The following KLHL5 variants were observed in gnomAD, a reference collection of about 807,000 sequenced individuals.
The protein encoded by KLHL5 is kelch like family member 5.
A neutral mutation model predicts 77.7 loss-of-function variants in KLHL5; 48 were observed. That is an observed-to-expected ratio of 0.62 (90% CI 0.49 to 0.79). The LOEUF (loss-of-function observed/expected upper bound fraction) is 0.79. KLHL5 is among the 30% of genes least tolerant of loss of function. The pLI is 0.00. For synonymous variants in KLHL5, 260 were observed against 297.0 expected, an observed-to-expected ratio of 0.88 and a Z score of 1.28; for missense variants, 723 against 859.7, an observed-to-expected ratio of 0.84 and a Z score of 1.99.
chr4:39,068,657 G>A (rs541994953), intron 1 of KLHL5, among the ~76,000 whole-genome samples: 4 of 152,178 alleles, frequency 2.6e-5, no homozygotes, highest in Admixed American at 2.0e-4. Flanking sequence ...AAAAGGATAG[G>A]TCCTACAGTT....
intron 5 of KLHL5, among the ~76,000 whole-genome samples, chr4:39,091,942 C>T (rs1214956977): frequency 6.6e-6 from 1 of 150,384 alleles, no homozygotes; most frequent in Admixed American, 6.6e-5. Flanking sequence ...GCCTAAGCCT[C>T]CCAATATGCT....
In KLHL5 at chr4:39,126,140, GAC is replaced by G; in HGVS notation, c.*5076_*5077del. On this transcript the variant is annotated 3_prime_UTR_variant, in exon 11 of 11. Transcript: ENST00000504108. ...CAAATGTTTTCTGAAAGTTGAAATA[GAC>G]ATCTTTTCATGAACTCTGTAATATT... Among the ~76,000 whole-genome samples, 1 of 152,180 alleles carries G rather than the reference GAC, an allele frequency of 6.6e-6. No individual in the cohort carries two copies. Among genetic ancestry groups the G allele is most frequent in the South Asian group, 2.1e-4 (1 of 4,832 alleles).
intron 7 of KLHL5, 82 bp downstream of exon 7, chr4:39,103,593 G>A (rs552140952): frequency 4.6e-5 from 51 of 1,107,792 alleles, no homozygotes; most frequent in Middle Eastern, 4.3e-4. Flanking sequence ...CAGAGGACCC[G>A]TGTGGCAGCC....
rs1723352107 is a variant in KLHL5, at chr4:39,123,634, GA to G, written c.*2573del. Among the ~76,000 whole-genome samples, 1 of 152,012 alleles carries G rather than the reference GA, an allele frequency of 6.6e-6. No homozygotes were observed. Among genetic ancestry groups the G allele is most frequent in the Admixed American group, 6.6e-5 (1 of 15,260 alleles). ...ACAGCATGATCACCTCAATTGATAA[GA>G]AAAAGCATTTGACAAAAATCCAACA... On this transcript the variant is annotated 3_prime_UTR_variant, in exon 11 of 11. Coordinates refer to ENST00000504108, the MANE Select transcript of KLHL5 (RefSeq NM_015990.5).
At chr4:39,139,192 G>C in the KLHL5 span, among the ~76,000 whole-genome samples, 1 of 150,226 alleles carries the variant, frequency 6.7e-6, no homozygotes, top group African/African-American at 2.5e-5. Context: ...TGAGGCAGGA[G>C]AATTGCTTGA....
upstream of KLHL5, among the ~76,000 whole-genome samples, chr4:39,058,886 G>A (rs76491794): frequency 4.0e-3 from 608 of 152,046 alleles, 4 homozygotes; most frequent in African/African-American, 0.014. Context: ...AGCTTACTTT[G>A]TAGTGAGGAT....
Position 39,106,546 on chromosome 4 carries a change from T to C in KLHL5, c.1526-1023T>C, listed in dbSNP as rs911414230. Among the ~76,000 whole-genome samples, 6 of 152,210 alleles carry C rather than the reference T, an allele frequency of 3.9e-5. No homozygotes were observed. The East Asian group carries it at 5.8e-4, about 15-fold the overall frequency. On this transcript the variant is annotated intron_variant, in intron 7 of 10. Transcript: ENST00000504108. Reference sequence around the variant, plus strand: ...AACAAATGAGTCTAGCTCAGCTCCGTGCTGATGAATCATACCAATAGATTA... The same window carrying C: ...AACAAATGAGTCTAGCTCAGCTCCGCGCTGATGAATCATACCAATAGATTA...
intron 4 of KLHL5, among the ~76,000 whole-genome samples, chr4:39,084,740 A>G (rs1167562111): frequency 6.6e-6 from 1 of 152,244 alleles, no homozygotes; most frequent in Non-Finnish European, 1.5e-5. Flanking sequence ...ATTTGAAAGT[A>G]TGGCATAGTT....
chr4:39,062,057 T>C (rs1370300408), upstream of KLHL5, among the ~76,000 whole-genome samples: 2 of 152,246 alleles, frequency 1.3e-5, no homozygotes, highest in Non-Finnish European at 2.9e-5. Flanking sequence ...CATCTAATTT[T>C]ACAAATGCTT....
chr4:39,084,251 C>T (rs1021019051), intron 4 of KLHL5, among the ~76,000 whole-genome samples: 4 of 152,050 alleles, frequency 2.6e-5, no homozygotes, highest in Non-Finnish European at 5.9e-5. Context: ...TGATCCTGCA[C>T]GAATACAAGT....
Position 39,124,961 on chromosome 4 carries a change from G to A in KLHL5, c.*3895G>A, listed in dbSNP as rs908639646. On this transcript the variant is annotated 3_prime_UTR_variant, in exon 11 of 11. Coordinates refer to ENST00000504108, the MANE Select transcript of KLHL5 (RefSeq NM_015990.5). The stretch of plus-strand genomic sequence containing the variant: ...ATACCTAGAATATATAAGGAACTCC[G>A]ATGCTCGACAACAAAAAGACAAACC... 1.3e-5 allele frequency among the ~76,000 whole-genome samples: 2 copies of A among 151,926 alleles called. No homozygotes were observed. The highest frequency in any genetic ancestry group is 2.4e-5 in the African/African-American group (1 of 41,376).
At chr4:39,096,576 C>T in intron 5 of KLHL5, 116 bp from the exon 6 acceptor site, 1 of 654,044 alleles carries the variant, frequency 1.5e-6, no homozygotes, top group South Asian at 2.3e-5. Context: ...AAATATGTGC[C>T]TATGCTTGAA....
upstream of KLHL5, among the ~76,000 whole-genome samples, chr4:39,058,038 A>G (rs751036169): frequency 3.3e-5 from 5 of 152,218 alleles, no homozygotes; most frequent in Admixed American, 6.5e-5. Context: ...TTGAAACAGA[A>G]GTTGCACATG....
At chr4:39,070,647 C>T (rs1214042089) in intron 1 of KLHL5, among the ~76,000 whole-genome samples, 1 of 152,120 alleles carries the variant, frequency 6.6e-6, no homozygotes, top group East Asian at 1.9e-4. Context: ...TTGCCCTTCC[C>T]CTTCATACTG....
intron 1 of KLHL5, among the ~76,000 whole-genome samples, chr4:39,073,821 T>TA (rs1424842532): frequency 4.5e-5 from 5 of 110,874 alleles, no homozygotes; most frequent in African/African-American, 1.5e-4. Flanking sequence ...ATTTTTTTTT[T>TA]ATTTTTATTT....
At chr4:39,063,080 C>T (rs750855443) in intron 1 of KLHL5, 45 bp downstream of exon 1, 1 of 1,406,100 alleles carries the variant, frequency 7.1e-7, no homozygotes, top group Non-Finnish European at 9.6e-7. Context: ...GGGGGTATGG[C>T]TCTATAATGT....
At chr4:39,104,127 G>T (rs1390258075) in intron 7 of KLHL5, among the ~76,000 whole-genome samples, 1 of 152,064 alleles carries the variant, frequency 6.6e-6, no homozygotes, top group Non-Finnish European at 1.5e-5. Flanking sequence ...TAGGGATGAA[G>T]ATTGAAATGG....
chr4:39,060,431 A>G (rs1717315283), upstream of KLHL5, among the ~76,000 whole-genome samples: 1 of 105,398 alleles, frequency 9.5e-6, no homozygotes. Flanking sequence ...CATTCCAACA[A>G]CTAAAAATCT....
intron 2 of KLHL5, among the ~76,000 whole-genome samples, chr4:39,076,881 A>G (rs1577673809): frequency 6.6e-6 from 1 of 152,094 alleles, no homozygotes; most frequent in Non-Finnish European, 1.5e-5. Context: ...TTCATGACCA[A>G]TAACCCAAAA....
Sources: gnomAD v4.1 joint callset for allele counts (sites outside exome capture counted in the v4.1 genomes callset) on GRCh38, gnomAD v4.1.1 for gene constraint, MANE v1.5 for transcripts, NCBI Gene and HGNC (gene_info 2026-07-23, HGNC 2026-07-21) for gene names.